LINGO3: variants seen among roughly 807,000 people sequenced by gnomAD.
The protein encoded by LINGO3 is leucine rich repeat and Ig domain containing 3, also known as leucine-rich repeat and immunoglobulin-like domain-containing nogo receptor-interacting protein 3.
For missense variants in LINGO3, 750 were observed against 867.7 expected (o/e 0.86, Z 1.70); for synonymous variants, 427 against 444.2 (o/e 0.96, Z 0.49).
At chr19:2,287,510 G>A (rs1258844831), downstream of LINGO3, among the ~76,000 whole-genome samples, 6 of 152,226 alleles carry the variant, frequency 3.9e-5, no homozygotes. This position sits in a 1 kb window ranked among gnomAD's most constrained non-coding sequence, Gnocchi z 4.5. Flanking sequence ...AGCCCCCTGG[G>A]CCATCTGTAC....
chr19:2,295,532 C>G (rs947517498), upstream of LINGO3, among the ~76,000 whole-genome samples: 3 of 152,052 alleles, frequency 2.0e-5, no homozygotes, highest in African/African-American at 7.2e-5. Context: ...GTCAGGAGTT[C>G]GAGAGCAGCC....
At chr19:2,289,889 C>T (rs1426385353) in exon 1 of LINGO3, 4 of 915,814 alleles carry the variant, frequency 4.4e-6, no homozygotes, top group African/African-American at 3.4e-5. Context: ...GAAGTTCTGC[C>T]TGGGGAGCGC....
At chr19:2,301,976 GC>G in the LINGO3 span, among the ~76,000 whole-genome samples, 1 of 148,406 alleles carries the variant, frequency 6.7e-6, no homozygotes, top group South Asian at 2.1e-4. Flanking sequence ...TGTACCAGTT[GC>G]CCTTCGATGA....
the LINGO3 span, among the ~76,000 whole-genome samples, chr19:2,305,813 G>A: frequency 3.9e-5 from 6 of 152,324 alleles, no homozygotes; most frequent in East Asian, 7.7e-4. Context: ...CTTCTAAGAC[G>A]GATATGGGAG....
the LINGO3 span, among the ~76,000 whole-genome samples, chr19:2,307,911 C>T: frequency 1.3e-5 from 2 of 152,272 alleles, no homozygotes; most frequent in Admixed American, 6.5e-5. Flanking sequence ...GCGTCGGGGG[C>T]CTGGCAAGGA....
exon 1 of LINGO3, chr19:2,291,027 C>A: frequency 6.2e-7 from 1 of 1,611,242 alleles, no homozygotes. Flanking sequence ...TGACCGACAG[C>A]GAGGTCAGGT....
At chr19:2,304,667 C>G in the LINGO3 span, among the ~76,000 whole-genome samples, 1 of 149,126 alleles carries the variant, frequency 6.7e-6, no homozygotes, top group Non-Finnish European at 1.5e-5. Flanking sequence ...CGGATTTTCA[C>G]CTGGAATGCG....
chr19:2,287,308 T>G (rs1190765899), downstream of LINGO3, among the ~76,000 whole-genome samples: 1 of 152,060 alleles, frequency 6.6e-6, no homozygotes, highest in East Asian at 1.9e-4. This position sits in a 1 kb window ranked among gnomAD's most constrained non-coding sequence, Gnocchi z 4.5. Context: ...GGATGCTCTG[T>G]GAACCCTAAC....
downstream of LINGO3, among the ~76,000 whole-genome samples, chr19:2,288,426 C>T (rs977272103): frequency 7.9e-5 from 12 of 152,326 alleles, no homozygotes; most frequent in African/African-American, 2.4e-4. This position sits in a 1 kb window ranked among gnomAD's most constrained non-coding sequence, Gnocchi z 6.5. Context: ...GATGGGGCCA[C>T]GCTCAGGGCT....
At chr19:2,294,216 TG>T (rs2025553668), upstream of LINGO3, among the ~76,000 whole-genome samples, 1 of 152,040 alleles carries the variant, frequency 6.6e-6, no homozygotes, top group Non-Finnish European at 1.5e-5. This position sits in a 1 kb window ranked among gnomAD's most constrained non-coding sequence, Gnocchi z 4.3. Context: ...GAGGGAGACT[TG>T]GACACACACC....
rs1012122755 is a variant in LINGO3, at chr19:2,290,367, C to T, written c.1410G>A (p.Ala470=). Residue 470 remains alanine, a synonymous_variant, in exon 1 of 1, where the codon GCG becomes GCA. Transcript: ENST00000585527. The surrounding 1 kb of genome is among the most constrained non-coding windows in gnomAD (Gnocchi z 6.0). ...TGTAGGTGCCGCTGTCCTGCGGCCG[C>T]GCGTCCTGGATCTCCAGCGTCCCCC... The T allele has an allele frequency of 1.3e-5, 19 of 1,490,006 alleles. 1 individual carries two copies. In the Admixed American group the frequency reaches 1.6e-4, roughly 13 times the overall value. 92.3% of individuals were successfully genotyped at this position (1,490,006 alleles called of 1,614,324 possible).
the LINGO3 span, among the ~76,000 whole-genome samples, chr19:2,307,609 G>C: frequency 2.0e-5 from 3 of 152,196 alleles, no homozygotes; most frequent in Non-Finnish European, 1.5e-5. Context: ...AGCAGGCTCC[G>C]GTGTGGACCC....
At chr19:2,296,027 C>T (rs1224976174), upstream of LINGO3, among the ~76,000 whole-genome samples, 1 of 152,156 alleles carries the variant, frequency 6.6e-6, no homozygotes, top group African/African-American at 2.4e-5. Flanking sequence ...CCCCCCCAAC[C>T]CCGGAATCAT....
chr19:2,289,041 G>A (rs1250565967), downstream of LINGO3, among the ~76,000 whole-genome samples: 1 of 151,402 alleles, frequency 6.6e-6, no homozygotes, highest in Non-Finnish European at 1.5e-5. Context: ...GTGTGTTCCA[G>A]TGTGAGCTGA....
the LINGO3 span, among the ~76,000 whole-genome samples, chr19:2,305,762 G>T: frequency 6.6e-6 from 1 of 152,256 alleles, no homozygotes; most frequent in Non-Finnish European, 1.5e-5. Context: ...CAACCAGGGC[G>T]GTGGGAGTAA....
chr19:2,305,368 T>C, the LINGO3 span, among the ~76,000 whole-genome samples: 1 of 152,036 alleles, frequency 6.6e-6, no homozygotes, highest in Non-Finnish European at 1.5e-5. Context: ...CCTGGATTAA[T>C]GGTCCTGGAA....
downstream of LINGO3, among the ~76,000 whole-genome samples, chr19:2,288,680 C>T (rs1599162558): frequency 6.6e-6 from 1 of 152,090 alleles, no homozygotes. This position sits in a 1 kb window ranked among gnomAD's most constrained non-coding sequence, Gnocchi z 6.5. Flanking sequence ...GTGGGGAGGA[C>T]GGAGGACAGG....
chr19:2,301,330 A>G, the LINGO3 span, among the ~76,000 whole-genome samples: 1 of 143,586 alleles, frequency 7.0e-6, no homozygotes, highest in Non-Finnish European at 1.5e-5. Context: ...TATGTGGATG[A>G]CTCTCTGTCT....
chr19:2,305,895 G>A, the LINGO3 span, among the ~76,000 whole-genome samples: 4 of 152,312 alleles, frequency 2.6e-5, no homozygotes, highest in African/African-American at 9.6e-5. Flanking sequence ...CAGTCCCCCA[G>A]GACCCCTGCA....
Sources: gnomAD v4.1 joint callset for allele counts (sites outside exome capture counted in the v4.1 genomes callset) on GRCh38, gnomAD v4.1.1 for gene constraint, Gnocchi (gnomAD v3.1) non-coding constraint, MANE v1.5 for transcripts, NCBI Gene and HGNC (gene_info 2026-07-23, HGNC 2026-07-21) for gene names.